DMXL1: variants seen among roughly 807,000 people sequenced by gnomAD.
DMXL1 encodes the protein dmX-like protein 1.
A neutral mutation model predicts 319.2 loss-of-function variants in DMXL1; 99 were observed. That is an observed-to-expected ratio of 0.31 (90% CI 0.26 to 0.37). The LOEUF (loss-of-function observed/expected upper bound fraction) is 0.37. DMXL1 is among the 10% of genes least tolerant of loss of function. DMXL1 has a pLI of 1.00. For missense variants in DMXL1, 3,745 were observed against 3,595.6 expected (o/e 1.04, Z -1.06); for synonymous variants, 1,385 against 1,235.2 (o/e 1.12, Z -2.54).
In DMXL1 at chr5:119,224,346, T is replaced by C. The variant is rs10039893; in HGVS notation, c.8278-363T>C. Among the ~76,000 whole-genome samples, 690 of 152,234 alleles carry C rather than the reference T, an allele frequency of 4.5e-3. 5 individuals carry two copies. The highest frequency in any genetic ancestry group is 7.5e-3 in the Admixed American group (115 of 15,302). ...ACATAGTTCCAAACTGTTTTTAAAT[T>C]TATTTAATTTTCTCTTCTTTTATTT... On this transcript the variant is annotated intron_variant, in intron 37 of 43. Transcript: ENST00000539542.
At position 119,148,797 on chromosome 5, in the gene DMXL1, T is replaced by G. The variant is rs1769146192; in HGVS notation, c.2970T>G (p.Thr990=). ...PACSAPYLLA[T]SCSDEKVRFW... ...GCAGTGCTCCTTATTTATTGGCAAC[T>G]TCATGTTCAGATGAGAAAGTAAGAT... Residue 990 remains threonine (T), a synonymous_variant, in exon 18 of 44, where the codon ACT becomes ACG. Transcript: ENST00000539542. The G allele has an allele frequency of 1.9e-5, 30 of 1,613,694 alleles. No homozygotes were observed. The highest frequency in any genetic ancestry group is 2.5e-5 in the Non-Finnish European group (30 of 1,179,720).
At chr5:119,144,744 A>T in intron 15 of DMXL1, 106 bp downstream of exon 15, 3 of 646,118 alleles carry the variant, frequency 4.6e-6, no homozygotes, top group Non-Finnish European at 7.5e-6. Context: ...TGAAGTAAAA[A>T]TTGGGGTAGG....
chr5:119,198,737 A>G (rs1032153502), intron 32 of DMXL1, among the ~76,000 whole-genome samples: 1 of 152,214 alleles, frequency 6.6e-6, no homozygotes, highest in Non-Finnish European at 1.5e-5. Flanking sequence ...ACTACAAAGC[A>G]ACAGTAACCA....
At chr5:119,205,391 G>T (rs1206982078) in intron 33 of DMXL1, among the ~76,000 whole-genome samples, 1 of 151,938 alleles carries the variant, frequency 6.6e-6, no homozygotes, top group African/African-American at 2.4e-5. Flanking sequence ...TAAAATTTCT[G>T]TTATTCTTTG....
intron 13 of DMXL1, among the ~76,000 whole-genome samples, chr5:119,135,127 A>G (rs1765709869): frequency 6.6e-6 from 1 of 152,162 alleles, no homozygotes; most frequent in African/African-American, 2.4e-5. Flanking sequence ...GCAGAACACA[A>G]GGTTTTCCAA....
chr5:119,178,344 T>G, intron 28 of DMXL1, 100 bp downstream of exon 28: 1 of 1,324,974 alleles, frequency 7.5e-7, no homozygotes, highest in South Asian at 1.5e-5. Context: ...AAAGTTCTGG[T>G]TAGAGACCAT....
At chr5:119,148,600 A>G in intron 17 of DMXL1, 139 bp from the exon 18 acceptor site, 1 of 809,370 alleles carries the variant, frequency 1.2e-6, no homozygotes, top group Non-Finnish European at 1.9e-6. Context: ...ATGCAGTTTA[A>G]AAAACATACA....
At chr5:119,113,803 T>G (rs1760202938) in intron 5 of DMXL1, among the ~76,000 whole-genome samples, 1 of 152,226 alleles carries the variant, frequency 6.6e-6, no homozygotes, top group African/African-American at 2.4e-5. Flanking sequence ...TATTTGTATC[T>G]GAAATGAAAT....
chr5:119,122,552 G>A (rs11738721), intron 9 of DMXL1, among the ~76,000 whole-genome samples: 57,384 of 150,022 alleles, frequency 0.38, 13,640 homozygotes, highest in East Asian at 0.95. Flanking sequence ...CAGATGGGGC[G>A]GCTGCCGGGC....
chr5:119,149,738 T>A lies in DMXL1; in HGVS notation c.3911T>A (p.Val1304Glu). 1.2e-6 allele frequency: 2 copies of A among 1,614,002 alleles called. No homozygotes were observed. Among genetic ancestry groups the A allele is most frequent in the Non-Finnish European group, 1.7e-6 (2 of 1,179,938 alleles). Residue 1304 changes from valine to glutamate, a missense_variant, in exon 18 of 44, where the codon GTG becomes GAG. Physicochemically the swap from Val to Glu is moderately radical, Grantham distance 121. Coordinates refer to ENST00000539542, the MANE Select transcript of DMXL1 (RefSeq NM_001290321.3). Reference protein sequence around the residue: ...CGKKTAFDPSVDMEDSGLFEA... With the variant: ...CGKKTAFDPSEDMEDSGLFEA... ...AAGAAAACTGCATTCGATCCTTCAG[T>A]GGATATGGAAGATTCAGGTCTTTTT...
chr5:119,205,376 C>T (rs1484017641), intron 33 of DMXL1, among the ~76,000 whole-genome samples: 2 of 152,028 alleles, frequency 1.3e-5, no homozygotes, highest in East Asian at 3.8e-4. Flanking sequence ...TATAACTACA[C>T]ATTTTAAAAT....
chr5:119,075,977 TTGATA>T (rs1381340724), intron 1 of DMXL1, among the ~76,000 whole-genome samples: 4 of 152,228 alleles, frequency 2.6e-5, no homozygotes, highest in African/African-American at 9.6e-5. Context: ...ATGCATACTA[TTGATA>T]TGATACTTTT....
chr5:119,148,350 A>G (rs1158995866), intron 17 of DMXL1, among the ~76,000 whole-genome samples: 1 of 152,202 alleles, frequency 6.6e-6, no homozygotes, highest in East Asian at 1.9e-4. Context: ...TAAAACTAGC[A>G]AAGAGCTGTG....
intron 1 of DMXL1, among the ~76,000 whole-genome samples, chr5:119,075,100 T>C (rs569878651): frequency 6.6e-6 from 1 of 152,310 alleles, no homozygotes; most frequent in East Asian, 1.9e-4. Context: ...TAGAAAGTAC[T>C]TCATAAATCG....
chr5:119,097,966 T>C lies in DMXL1; in HGVS notation c.88-13T>C, dbSNP rs754679047. On this transcript the variant is annotated splice_polypyrimidine_tract_variant and intron_variant, in intron 1 of 43. Coordinates refer to ENST00000539542, the MANE Select transcript of DMXL1 (RefSeq NM_001290321.3). Reference sequence around the variant, plus strand: ...TTGACACTTTTATCATTTTTATTTATTTATTTTTTTAGGCTTATGCATCTG... The same window carrying C: ...TTGACACTTTTATCATTTTTATTTACTTATTTTTTTAGGCTTATGCATCTG... 1.3e-6 allele frequency: 2 copies of C among 1,589,074 alleles called. No homozygotes were observed. Among genetic ancestry groups the C allele is most frequent in the African/African-American group, 1.4e-5 (1 of 73,092 alleles).
In DMXL1 at chr5:119,082,775, A is replaced by G. The variant is rs562640197; in HGVS notation, c.87+11119A>G. Among the ~76,000 whole-genome samples, 166 of 152,350 alleles carry G rather than the reference A, an allele frequency of 1.1e-3. 5 individuals carry two copies. The South Asian group carries it at 0.034, about 31-fold the overall frequency. On this transcript the variant is annotated intron_variant, in intron 1 of 43. Coordinates refer to ENST00000539542, the MANE Select transcript of DMXL1 (RefSeq NM_001290321.3). ...AATATACAATAGATTATTGTAAACT[A>G]CATTTACAGTAGTGATCTGTCCAAC...
intron 1 of DMXL1, among the ~76,000 whole-genome samples, chr5:119,079,460 C>G (rs1161760685): frequency 2.0e-5 from 3 of 152,216 alleles, no homozygotes; most frequent in Middle Eastern, 3.2e-3. Flanking sequence ...AAATTCTCAT[C>G]TTGAAAAACA....
intron 8 of DMXL1, among the ~76,000 whole-genome samples, chr5:119,120,710 A>G (rs915406536): frequency 6.6e-6 from 1 of 152,250 alleles, no homozygotes; most frequent in Non-Finnish European, 1.5e-5. Flanking sequence ...AATAAGCCTA[A>G]TAAAAATTGC....
rs1411124633 is a variant in DMXL1 at position 119,116,241 on chromosome 5, A to G, written c.648A>G (p.Gln216=). ...VTSPDGSSEK[Q]SQGEIDFSFV... Reference sequence around the variant, plus strand: ...CTCCAGATGGAAGTTCAGAAAAACAATCCCAAGGAGAAATTGACTTTTCTT... The same window carrying G: ...CTCCAGATGGAAGTTCAGAAAAACAGTCCCAAGGAGAAATTGACTTTTCTT... Residue 216 remains glutamine (Q), a synonymous_variant, in exon 7 of 44, where the codon CAA becomes CAG. Coordinates refer to ENST00000539542, the MANE Select transcript of DMXL1 (RefSeq NM_001290321.3). 18 of 1,614,000 alleles carry G rather than the reference A, an allele frequency of 1.1e-5. No individual in the cohort carries two copies. Among genetic ancestry groups the G allele is most frequent in the East Asian group, 6.7e-5 (3 of 44,894 alleles).
Sources: allele counts gnomAD v4.1 joint callset (sites outside exome capture counted in the v4.1 genomes callset), GRCh38; gene constraint gnomAD v4.1.1; transcripts MANE v1.5; gene names NCBI Gene and HGNC (gene_info 2026-07-23, HGNC 2026-07-21).